Variants in WNT3A observed in about 807,000 individuals in gnomAD.
WNT3A encodes Wnt family member 3A.
Under a neutral mutation model 37.0 loss-of-function variants are expected in WNT3A, and 17 were observed. The ratio of observed to expected loss-of-function variants is 0.46; its 90% CI spans 0.31 to 0.69. The LOEUF (loss-of-function observed/expected upper bound fraction) is 0.69, where lower values mean the gene tolerates loss of function less well. Among genes scored for constraint, WNT3A ranks in the 30% least tolerant of loss-of-function variants. WNT3A has a pLI of 0.05. For synonymous variants in WNT3A, 187 were observed against 211.0 expected, an observed-to-expected ratio of 0.89 and a Z score of 0.99; for missense variants, 411 against 510.2, an observed-to-expected ratio of 0.81 and a Z score of 1.87.
chr1:228,058,743 TA>T (rs2031730877), intron 3 of WNT3A, among the ~76,000 whole-genome samples: 1 of 152,202 alleles, frequency 6.6e-6, no homozygotes, highest in Admixed American at 6.5e-5. Context: ...AGTACTCAGC[TA>T]GGAGACGGGA....
chr1:228,009,282 T>G (rs1158302169), intron 1 of WNT3A, among the ~76,000 whole-genome samples: 2 of 152,054 alleles, frequency 1.3e-5, no homozygotes, highest in Admixed American at 1.3e-4. Context: ...AAGACATGGC[T>G]TCCCCCAGGC....
intron 3 of WNT3A, among the ~76,000 whole-genome samples, chr1:228,055,967 T>A (rs1205603243): frequency 6.6e-6 from 1 of 152,186 alleles, no homozygotes; most frequent in Non-Finnish European, 1.5e-5. Context: ...CATATGGAAG[T>A]TCATGCCTTT....
chr1:228,030,679 T>C (rs2030980436), intron 2 of WNT3A, among the ~76,000 whole-genome samples: 1 of 152,200 alleles, frequency 6.6e-6, no homozygotes, highest in Admixed American at 6.5e-5. Flanking sequence ...CCCACTGGCC[T>C]CTTGGCTGCT....
Position 228,007,125 on chromosome 1 carries a change from G to C in WNT3A, c.-4G>C. 6.4e-7 allele frequency: 1 copy of C among 1,571,910 alleles called. No homozygotes were observed. Among genetic ancestry groups the C allele is most frequent in the African/African-American group, 1.4e-5 (1 of 71,018 alleles). On this transcript the variant is annotated 5_prime_UTR_variant, in exon 1 of 4. Coordinates refer to ENST00000284523, the MANE Select transcript of WNT3A (RefSeq NM_033131.4). The surrounding 1 kb of genome is among the most constrained non-coding windows in gnomAD (Gnocchi z 6.0). ...CCCGGCCCTCCGCGCCCTCTCGCGC[G>C]GCGATGGCCCCACTCGGATACTTCT...
intron 1 of WNT3A, among the ~76,000 whole-genome samples, chr1:228,017,235 T>A (rs1571794002): frequency 6.6e-6 from 1 of 151,812 alleles, no homozygotes; most frequent in East Asian, 1.9e-4. Flanking sequence ...CGTGGGGAGG[T>A]CACCAGTGAG....
rs1227476394 is a variant in WNT3A, at chr1:228,039,729, C to T, written c.314-10927C>T. On this transcript the variant is annotated intron_variant, in intron 2 of 3. Transcript: ENST00000284523. This position sits in a 1 kb window ranked among gnomAD's most constrained non-coding sequence, Gnocchi z 4.1. ...GGGCGGCCCTGCAGTGATTCATTGG[C>T]CCCCCAGCCATGACCATTGTTGGAA... Among the ~76,000 whole-genome samples, 1 of 152,112 alleles carries T rather than the reference C, an allele frequency of 6.6e-6. No homozygotes were observed. Among genetic ancestry groups the T allele is most frequent in the Non-Finnish European group, 1.5e-5 (1 of 68,008 alleles).
At chr1:228,030,091 A>AT (rs1490686119) in intron 2 of WNT3A, among the ~76,000 whole-genome samples, 28 of 152,216 alleles carry the variant, frequency 1.8e-4, no homozygotes, top group African/African-American at 6.5e-4. Context: ...TCTCTAAAAA[A>AT]ATATAAAAAT....
chr1:228,035,775 G>C (rs1362069953), intron 2 of WNT3A, among the ~76,000 whole-genome samples: 1 of 152,110 alleles, frequency 6.6e-6, no homozygotes, highest in Admixed American at 6.5e-5. Context: ...CTCTGCAAAG[G>C]GCTGAGCTCC....
At chr1:228,045,799 C>A (rs914852065) in intron 2 of WNT3A, among the ~76,000 whole-genome samples, 3 of 152,172 alleles carry the variant, frequency 2.0e-5, no homozygotes, top group African/African-American at 4.8e-5. Context: ...CTTAGAGGGG[C>A]AAGGGTGGGT....
intron 2 of WNT3A, among the ~76,000 whole-genome samples, chr1:228,026,952 C>G (rs2030867825): frequency 6.6e-6 from 1 of 152,220 alleles, no homozygotes. Flanking sequence ...AAGCGATTCT[C>G]CTGCCTCAGC....
chr1:228,022,201 G>A (rs543483093), intron 1 of WNT3A, among the ~76,000 whole-genome samples: 25 of 152,342 alleles, frequency 1.6e-4, no homozygotes, highest in African/African-American at 6.0e-4. Context: ...GTTCATGCCT[G>A]TAATCCCAGC....
At chr1:228,048,745 G>A (rs1054671110) in intron 2 of WNT3A, among the ~76,000 whole-genome samples, 3 of 151,838 alleles carry the variant, frequency 2.0e-5, no homozygotes, top group African/African-American at 7.3e-5. Context: ...ATGGAAGCAG[G>A]GCCTGGCCAG....
chr1:228,035,231 C>T (rs1429681942), intron 2 of WNT3A, among the ~76,000 whole-genome samples: 2 of 152,220 alleles, frequency 1.3e-5, no homozygotes, highest in Admixed American at 1.3e-4. Flanking sequence ...AAGTGTTCGA[C>T]ACACCATGGC....
chr1:228,059,477 G>T lies in WNT3A; in HGVS notation c.*12G>T, dbSNP rs1025283111. ...ACACCTGCAAGTAGGCACCGGCCGC[G>T]GCTCCCCCTGGACGGGGCGGGCCCT... is the stretch of plus-strand genomic sequence containing the variant. On this transcript the variant is annotated 3_prime_UTR_variant, in exon 4 of 4. Transcript: ENST00000284523. 1 of 1,494,602 alleles carries T rather than the reference G, an allele frequency of 6.7e-7. No homozygotes were observed. The highest frequency in any genetic ancestry group is 1.4e-5 in the African/African-American group (1 of 71,622). The allele number at this position is 1,494,602 out of a possible 1,614,324, so 92.6% of individuals were successfully genotyped here.
chr1:228,028,848 C>T (rs1571800950), intron 2 of WNT3A, among the ~76,000 whole-genome samples: 1 of 152,140 alleles, frequency 6.6e-6, no homozygotes, highest in East Asian at 1.9e-4. Context: ...TGCCCTTTAT[C>T]CAGTTGCCCC....
chr1:228,026,375 C>G (rs957089292), intron 2 of WNT3A, among the ~76,000 whole-genome samples: 5 of 152,132 alleles, frequency 3.3e-5, no homozygotes, highest in African/African-American at 9.7e-5. Context: ...ATCCTTCCCT[C>G]GCTCCTGATC....
At chr1:228,043,470 G>A (rs57146523) in intron 2 of WNT3A, among the ~76,000 whole-genome samples, 12,012 of 152,288 alleles carry the variant, frequency 0.079, 548 homozygotes, top group South Asian at 0.11. Context: ...CCTGCTGACT[G>A]GGATGATTTC....
intron 2 of WNT3A, among the ~76,000 whole-genome samples, chr1:228,027,742 T>C (rs2030887626): frequency 6.6e-6 from 1 of 152,258 alleles, no homozygotes; most frequent in Admixed American, 6.5e-5. Flanking sequence ...ACTCTGATGA[T>C]TATTTCTTTC....
rs910752912 is a variant in WNT3A at position 228,031,947 on chromosome 1, G to A, written c.313+9039G>A. Among the ~76,000 whole-genome samples, 1 of 152,192 alleles carries A rather than the reference G, an allele frequency of 6.6e-6. No homozygotes were observed. The highest frequency in any genetic ancestry group is 2.4e-5 in the African/African-American group (1 of 41,436). On this transcript the variant is annotated intron_variant, in intron 2 of 3. Coordinates refer to ENST00000284523, the MANE Select transcript of WNT3A (RefSeq NM_033131.4). This position sits in a 1 kb window ranked among gnomAD's most constrained non-coding sequence, Gnocchi z 4.8. ...AGGAAGCAGCGATTTTAGGAAGAAA[G>A]CAGGAAGCCTGTCCTGCTTGGAGCC...
Sources: gnomAD v4.1 joint callset for allele counts (sites outside exome capture counted in the v4.1 genomes callset) on GRCh38, gnomAD v4.1.1 for gene constraint, Gnocchi (gnomAD v3.1) non-coding constraint, MANE v1.5 for transcripts, NCBI Gene and HGNC (gene_info 2026-07-23, HGNC 2026-07-21) for gene names.